Variants in PDGFC observed in about 807,000 individuals in gnomAD.
The protein encoded by PDGFC is platelet derived growth factor C.
Under a neutral mutation model 35.5 loss-of-function variants are expected in PDGFC, and 12 were observed. The observed-to-expected ratio is 0.34, with a 90% CI of 0.22 to 0.55. PDGFC has a LOEUF of 0.55. PDGFC is among the 20% of genes least tolerant of loss of function. The pLI, the probability that PDGFC is intolerant of heterozygous loss-of-function variation, is 0.91. For synonymous variants in PDGFC, 159 were observed against 148.8 expected (o/e 1.07, Z -0.50); for missense variants, 322 against 412.4 (o/e 0.78, Z 1.90).
intron 3 of PDGFC, among the ~76,000 whole-genome samples, chr4:156,774,031 T>C (rs77767495): frequency 1.2e-3 from 180 of 152,292 alleles, no homozygotes; most frequent in African/African-American, 3.9e-3. Context: ...CATTTTTCTC[T>C]CCTTTTGTTC....
intron 3 of PDGFC, among the ~76,000 whole-genome samples, chr4:156,810,403 A>T (rs935013728): frequency 6.6e-6 from 1 of 151,968 alleles, no homozygotes; most frequent in Non-Finnish European, 1.5e-5. Flanking sequence ...CATACTTCAG[A>T]GATTTCTCCT....
intron 3 of PDGFC, among the ~76,000 whole-genome samples, chr4:156,783,588 A>C (rs1034378409): frequency 1.3e-5 from 2 of 152,106 alleles, no homozygotes; most frequent in Non-Finnish European, 2.9e-5. Context: ...ACCTCTCTCT[A>C]TATATACACG....
At chr4:156,795,955 G>A (rs1731428814) in intron 3 of PDGFC, among the ~76,000 whole-genome samples, 1 of 152,104 alleles carries the variant, frequency 6.6e-6, no homozygotes, top group Non-Finnish European at 1.5e-5. Flanking sequence ...AGGCAGCAGA[G>A]CCTCATTCAT....
chr4:156,847,150 A>G (rs746077991), intron 2 of PDGFC, among the ~76,000 whole-genome samples: 5 of 151,814 alleles, frequency 3.3e-5, no homozygotes, highest in Non-Finnish European at 7.4e-5. Flanking sequence ...TGTAATCAGT[A>G]TCTCCTTGAG....
intron 1 of PDGFC, among the ~76,000 whole-genome samples, chr4:156,853,974 A>T (rs572210899): frequency 6.6e-6 from 1 of 152,322 alleles, no homozygotes; most frequent in African/African-American, 2.4e-5. Flanking sequence ...AAAATAAAAA[A>T]GCAAAACATT....
chr4:156,814,896 T>C (rs1732038850), intron 2 of PDGFC, among the ~76,000 whole-genome samples: 1 of 152,188 alleles, frequency 6.6e-6, no homozygotes, highest in Non-Finnish European at 1.5e-5. Flanking sequence ...AGAAGGGTGA[T>C]GAGCATATTA....
At chr4:156,858,787 T>C (rs935949188) in intron 1 of PDGFC, among the ~76,000 whole-genome samples, 9 of 151,358 alleles carry the variant, frequency 5.9e-5, no homozygotes, top group Non-Finnish European at 1.2e-4. Context: ...ATTCACATTA[T>C]ATATCCTTTA....
intron 1 of PDGFC, among the ~76,000 whole-genome samples, chr4:156,877,457 T>C (rs1730141764): frequency 1.3e-5 from 2 of 152,160 alleles, no homozygotes; most frequent in African/African-American, 4.8e-5. Flanking sequence ...GAAATTATAA[T>C]AGGGTAAGTA....
At chr4:156,800,837 C>A (rs1181284207) in intron 3 of PDGFC, among the ~76,000 whole-genome samples, 1 of 152,118 alleles carries the variant, frequency 6.6e-6, no homozygotes, top group African/African-American at 2.4e-5. Flanking sequence ...TCCAAACTGC[C>A]CTTAGTCATT....
intron 1 of PDGFC, among the ~76,000 whole-genome samples, chr4:156,852,835 T>C (rs1045871599): frequency 6.6e-6 from 1 of 152,146 alleles, no homozygotes; most frequent in African/African-American, 2.4e-5. Context: ...TGCCAATGGA[T>C]GTGGGAAGCC....
intron 3 of PDGFC, among the ~76,000 whole-genome samples, chr4:156,794,688 A>G (rs180702134): frequency 6.6e-6 from 1 of 152,042 alleles, no homozygotes; most frequent in Non-Finnish European, 1.5e-5. Flanking sequence ...CTAGTAGAAC[A>G]CTCACTCCTT....
chr4:156,827,232 A>G (rs760317218), intron 2 of PDGFC, among the ~76,000 whole-genome samples: 1 of 152,106 alleles, frequency 6.6e-6, no homozygotes, highest in Non-Finnish European at 1.5e-5. Context: ...CCTGGCTAAC[A>G]TGGTGAAACC....
chr4:156,881,577 T>C (rs1730242990), intron 1 of PDGFC, among the ~76,000 whole-genome samples: 1 of 151,912 alleles, frequency 6.6e-6, no homozygotes, highest in Non-Finnish European at 1.5e-5. Flanking sequence ...GCTTAAAAAA[T>C]GGGAGTTACT....
At chr4:156,936,345 T>C (rs1454611852) in intron 1 of PDGFC, among the ~76,000 whole-genome samples, 7 of 152,220 alleles carry the variant, frequency 4.6e-5, no homozygotes, top group African/African-American at 1.2e-4. Context: ...GGAGAATTTC[T>C]ACCACATTTC....
intron 1 of PDGFC, among the ~76,000 whole-genome samples, chr4:156,951,295 ATTCTCTCTATAATC>A (rs1732074403): frequency 6.6e-6 from 1 of 151,882 alleles, no homozygotes; most frequent in Admixed American, 6.6e-5. Context: ...GTGAGGCTTC[ATTCTCTCTATAATC>A]AATGCAGGCA....
intron 3 of PDGFC, among the ~76,000 whole-genome samples, chr4:156,777,713 T>C (rs184902064): frequency 1.3e-4 from 20 of 152,324 alleles, no homozygotes; most frequent in Non-Finnish European, 2.8e-4. Flanking sequence ...TGCTAATACA[T>C]GCCATCAACT....
chr4:156,767,699 G>A (rs1015251086), intron 5 of PDGFC, 74 bp downstream of exon 5: 11 of 884,776 alleles, frequency 1.2e-5, no homozygotes, highest in Middle Eastern at 2.3e-4. Flanking sequence ...AAACATAAAC[G>A]CATTTCAGAT....
intron 1 of PDGFC, among the ~76,000 whole-genome samples, chr4:156,939,511 T>C (rs1441059505): frequency 2.0e-5 from 3 of 152,098 alleles, no homozygotes; most frequent in Admixed American, 6.6e-5. Context: ...GATGAGTCTA[T>C]ACAAATCTTA....
chr4:156,897,297 A>G (rs1222820971), intron 1 of PDGFC, among the ~76,000 whole-genome samples: 1 of 151,920 alleles, frequency 6.6e-6, no homozygotes, highest in Non-Finnish European at 1.5e-5. Context: ...AAATACACAC[A>G]CACACACACA....
Sources: allele counts gnomAD v4.1 joint callset (sites outside exome capture counted in the v4.1 genomes callset), GRCh38; gene constraint gnomAD v4.1.1; transcripts MANE v1.5; gene names NCBI Gene and HGNC (gene_info 2026-07-23, HGNC 2026-07-21).